Variants in PLEKHM1 observed in about 807,000 individuals in gnomAD.
The protein encoded by PLEKHM1 is pleckstrin homology domain-containing family M member 1.
Under a neutral mutation model 94.3 loss-of-function variants are expected in PLEKHM1, and 28 were observed. That is an observed-to-expected ratio of 0.30 (90% CI 0.22 to 0.41). The LOEUF (loss-of-function observed/expected upper bound fraction) is 0.41. PLEKHM1 is among the 10% of genes least tolerant of loss of function. The probability of loss-of-function intolerance (pLI) is 1.00; values close to 1 mark genes in which losing one functional copy is unlikely to be tolerated. For missense variants in PLEKHM1, 907 were observed against 1,358.6 expected (o/e 0.67, Z 5.22); for synonymous variants, 424 against 581.2 (o/e 0.73, Z 3.89).
At chr17:45,477,860 T>C (rs1409029652) in intron 3 of PLEKHM1, 40 bp downstream of exon 3, 1 of 1,610,662 alleles carries the variant, frequency 6.2e-7, no homozygotes, top group Admixed American at 1.7e-5. Flanking sequence ...CATAGTCTGC[T>C]GCTCCTCCGC....
Position 45,453,138 on chromosome 17 carries a change from G to C in PLEKHM1, c.2497+217C>G. The C allele has an allele frequency of 1.6e-6, 1 of 621,240 alleles. No homozygotes were observed. Among genetic ancestry groups the C allele is most frequent in the Non-Finnish European group, 2.9e-6 (1 of 348,608 alleles). The allele number at this position is 621,240 out of a possible 1,614,324, so 38.5% of individuals were successfully genotyped here. A position where few individuals can be genotyped will look rare whatever the true frequency, so the allele number is the denominator to read the frequency against. On this transcript the variant is annotated intron_variant, in intron 7 of 11. Transcript: ENST00000430334. This position sits in a 1 kb window ranked among gnomAD's most constrained non-coding sequence, Gnocchi z 4.1. ...CAGTGGGAGGTGGCAGGAGAGGGACGGGTGAGCAGGGCCCACTGCCTATGA... is the reference window on the plus strand; with the variant it reads ...CAGTGGGAGGTGGCAGGAGAGGGACCGGTGAGCAGGGCCCACTGCCTATGA...
chr17:45,456,523 G>C (rs977079900), intron 6 of PLEKHM1: 3 of 152,288 alleles, frequency 2.0e-5, no homozygotes, highest in Non-Finnish European at 4.4e-5. Flanking sequence ...ATTCTATGGG[G>C]GTTCCCTGCC....
In PLEKHM1 at chr17:45,445,682, A is replaced by T; in HGVS notation, c.2644-19T>A. On this transcript the variant is annotated intron_variant, in intron 8 of 11. Coordinates refer to ENST00000430334, the MANE Select transcript of PLEKHM1 (RefSeq NM_014798.3). The surrounding 1 kb of genome is among the most constrained non-coding windows in gnomAD (Gnocchi z 4.2). ...TGCAGATCTGGGGGTACCACCAGGC[A>T]TTGGGGATGGGAAGGAATGGCTGTT... 6.2e-7 allele frequency: 1 copy of T among 1,610,586 alleles called. No homozygotes were observed. Among genetic ancestry groups the T allele is most frequent in the Non-Finnish European group, 8.5e-7 (1 of 1,177,212 alleles).
At chr17:45,468,968 A>G (rs2051412508) in intron 4 of PLEKHM1, among the ~76,000 whole-genome samples, 1 of 151,154 alleles carries the variant, frequency 6.6e-6, no homozygotes. Context: ...TTCCCCAAAC[A>G]TGGTATGCAG....
At chr17:45,442,384 G>A (rs1420424238) in intron 9 of PLEKHM1, among the ~76,000 whole-genome samples, 1 of 152,086 alleles carries the variant, frequency 6.6e-6, no homozygotes, top group Non-Finnish European at 1.5e-5. Flanking sequence ...CACTCCACTG[G>A]GGCCAGAATG....
chr17:45,457,258 T>A (rs1396326888), intron 6 of PLEKHM1, among the ~76,000 whole-genome samples: 1 of 146,268 alleles, frequency 6.8e-6, no homozygotes, highest in Non-Finnish European at 1.5e-5. Flanking sequence ...CAAAACACCA[T>A]CTTTATTAAA....
downstream of PLEKHM1, among the ~76,000 whole-genome samples, chr17:45,434,738 C>T (rs1200528377): frequency 6.6e-6 from 1 of 152,116 alleles, no homozygotes; most frequent in Non-Finnish European, 1.5e-5. Context: ...AGCCACCATG[C>T]CGGGGTACAT....
intron 2 of PLEKHM1, among the ~76,000 whole-genome samples, chr17:45,479,257 C>T (rs1195722846): frequency 1.3e-5 from 2 of 152,020 alleles, no homozygotes; most frequent in African/African-American, 4.8e-5. Context: ...CGGTGGCTCA[C>T]GCCTGTAACC....
intron 1 of PLEKHM1, among the ~76,000 whole-genome samples, chr17:45,482,958 C>T (rs978760519): frequency 3.3e-5 from 5 of 151,882 alleles, no homozygotes; most frequent in African/African-American, 1.2e-4. Context: ...TCACACATCA[C>T]ATTCAGGGGC....
chr17:45,444,500 G>A lies in PLEKHM1; in HGVS notation c.2837+970C>T, dbSNP rs558589355. ...GAAGGGCATCCTGAGGGCCCCGCCCGGATCACGTCTTCTTTGGAGAATTTC... is the reference window on the plus strand; with the variant it reads ...GAAGGGCATCCTGAGGGCCCCGCCCAGATCACGTCTTCTTTGGAGAATTTC... On this transcript the variant is annotated intron_variant, in intron 9 of 11. Coordinates refer to ENST00000430334, the MANE Select transcript of PLEKHM1 (RefSeq NM_014798.3). This position sits in a 1 kb window ranked among gnomAD's most constrained non-coding sequence, Gnocchi z 5.0. Among the ~76,000 whole-genome samples, 44 of 152,324 alleles carry A rather than the reference G, an allele frequency of 2.9e-4. No homozygotes were observed. Among genetic ancestry groups the A allele is most frequent in the Middle Eastern group, 3.4e-3 (1 of 294 alleles).
rs1207390668 is a variant in PLEKHM1 at position 45,483,361 on chromosome 17, C to CTGAA, written c.-41-840_-41-837dup. ...CACCTAAATGAGTATGCAGGAAGAG[C>CTGAA]TGAAGTCAGTGAGTGGTTAAATCCC... On this transcript the variant is annotated intron_variant, in intron 1 of 11. Coordinates refer to ENST00000430334, the MANE Select transcript of PLEKHM1 (RefSeq NM_014798.3). 4.0e-5 allele frequency among the ~76,000 whole-genome samples: 6 copies of CTGAA among 150,898 alleles called. No homozygotes were observed. In the East Asian group the frequency reaches 1.2e-3, roughly 30 times the overall value.
chr17:45,483,429 G>GGGGTGGGGTGGGGTGGGGTGGGGC (rs2052017719), intron 1 of PLEKHM1, among the ~76,000 whole-genome samples: 2 of 128,394 alleles, frequency 1.6e-5, no homozygotes, highest in African/African-American at 7.3e-5. Flanking sequence ...GGGGTGGGGT[G>GGGGTGGGGTGGGGTGGGGTGGGGC]GGGTGGGGTG....
chr17:45,440,383 G>C, intron 9 of PLEKHM1, 157 bp from the exon 10 acceptor site: 1 of 724,080 alleles, frequency 1.4e-6, no homozygotes, highest in Non-Finnish European at 2.5e-6. Context: ...CCTGGGCTTG[G>C]GGCCTGGTCT....
At chr17:45,455,285 T>C (rs2050912213) in intron 6 of PLEKHM1, among the ~76,000 whole-genome samples, 1 of 152,072 alleles carries the variant, frequency 6.6e-6, no homozygotes, top group Non-Finnish European at 1.5e-5. Context: ...TCCTCAGCCC[T>C]CGCCCCCACC....
chr17:45,440,006 T>C (rs1235624989), intron 10 of PLEKHM1, 157 bp downstream of exon 10: 3 of 724,454 alleles, frequency 4.1e-6, no homozygotes, highest in Non-Finnish European at 4.9e-6. Context: ...CCCAGGAAGC[T>C]GGGGCAGCAG....
chr17:45,478,063 C>G lies in PLEKHM1; in HGVS notation c.133G>C (p.Gly45Arg), dbSNP rs761215319. The G allele has an allele frequency of 6.2e-7, 1 of 1,614,128 alleles. No individual in the cohort carries two copies. Residue 45 changes from glycine to arginine, a missense_variant, in exon 3 of 12, where the codon GGA becomes CGA. Physicochemically the swap from Gly to Arg is moderately radical, Grantham distance 125. Transcript: ENST00000430334. ...SLDTVVTSED[G>R]DANTMCSALE... ...GCGCTGCACATGGTGTTGGCATCTCCGTCTTCACTAGTGACCACCGTGTCC... is the reference window on the plus strand; with the variant it reads ...GCGCTGCACATGGTGTTGGCATCTCGGTCTTCACTAGTGACCACCGTGTCC...
chr17:45,458,386 T>C lies in PLEKHM1; in HGVS notation c.1362A>G (p.Gln454=), dbSNP rs937388027. 1.9e-6 allele frequency: 3 copies of C among 1,613,900 alleles called. No individual in the cohort carries two copies. Among genetic ancestry groups the C allele is most frequent in the African/African-American group, 2.7e-5 (2 of 75,046 alleles). ...EDDFYRPSRE[Q]PLESASDHPI... ...GGTGGTCTGAAGCACTCTCCAGGGG[T>C]TGCTCCCGGGAAGGCCGGTAGAAGT... Residue 454 remains glutamine, a synonymous_variant, in exon 6 of 12, where the codon CAA becomes CAG. Coordinates refer to ENST00000430334, the MANE Select transcript of PLEKHM1 (RefSeq NM_014798.3).
rs1268324428 is a variant in PLEKHM1, at chr17:45,468,470, G to T, written c.1047C>A (p.Tyr349Ter). The T allele has an allele frequency of 6.2e-7, 1 of 1,614,126 alleles. No homozygotes were observed. The highest frequency in any genetic ancestry group is 8.5e-7 in the Non-Finnish European group (1 of 1,180,052). The change falls in exon 5 of 12, where the codon TAC (tyrosine) becomes TAA (stop). Residue 349 changes from tyrosine (Y) to a stop codon, truncating the protein, a stop_gained. Transcript: ENST00000430334. LOFTEE classifies it high-confidence loss of function. ...LSLHGLNTST[Y>*]LHCEAPAEPL... ...GCTCTGCAGGTGCCTCACAGTGCAG[G>T]TATGTGCTGGTGTTGAGGCCATGGA...
At chr17:45,471,058 A>G (rs55671319) in intron 4 of PLEKHM1, among the ~76,000 whole-genome samples, 18,963 of 152,154 alleles carry the variant, frequency 0.12, 1,560 homozygotes, top group Middle Eastern at 0.21. Context: ...AGAAGGGCCT[A>G]TTATCCAGAA....
Sources: allele counts gnomAD v4.1 joint callset (sites outside exome capture counted in the v4.1 genomes callset), GRCh38; gene constraint gnomAD v4.1.1; non-coding constraint Gnocchi (gnomAD v3.1); transcripts MANE v1.5; gene names NCBI Gene and HGNC (gene_info 2026-07-23, HGNC 2026-07-21).